Variants in ZBBX observed in about 807,000 individuals in gnomAD.
ZBBX encodes zinc finger B-box domain containing.
Under a neutral mutation model 108.5 loss-of-function variants are expected in ZBBX, and 101 were observed. That is an observed-to-expected ratio of 0.93 (90% CI 0.79 to 1.10). The LOEUF is 1.10. ZBBX is among the 50% of genes least tolerant of loss of function. ZBBX has a pLI of 0.00. For missense variants in ZBBX, 1,009 were observed against 941.4 expected, an observed-to-expected ratio of 1.07 and a Z score of -0.94; for synonymous variants, 356 against 323.4, an observed-to-expected ratio of 1.10 and a Z score of -1.08.
At chr3:167,386,543 C>A (rs1747928612) in intron 1 of ZBBX, among the ~76,000 whole-genome samples, 1 of 151,998 alleles carries the variant, frequency 6.6e-6, no homozygotes, top group Non-Finnish European at 1.5e-5. Flanking sequence ...TTCTAGCATG[C>A]TTTTGAAGTC....
chr3:167,247,551 T>C (rs934731956), intron 20 of ZBBX, among the ~76,000 whole-genome samples: 3 of 152,192 alleles, frequency 2.0e-5, no homozygotes, highest in African/African-American at 7.2e-5. Flanking sequence ...CTAGAGGGTC[T>C]AATTGAGCTG....
chr3:167,405,504 G>A (rs1372673396), intron 1 of ZBBX, among the ~76,000 whole-genome samples: 2 of 152,266 alleles, frequency 1.3e-5, no homozygotes, highest in East Asian at 1.9e-4. Context: ...CATTACATTT[G>A]GTGAACAAAA....
At chr3:167,297,840 C>T (rs1416521856) in intron 18 of ZBBX, among the ~76,000 whole-genome samples, 1 of 151,888 alleles carries the variant, frequency 6.6e-6, no homozygotes, top group African/African-American at 2.4e-5. Context: ...TATTGTACCA[C>T]CTCAGACCCA....
chr3:167,302,037 T>C (rs1732785745), intron 17 of ZBBX, among the ~76,000 whole-genome samples: 1 of 152,076 alleles, frequency 6.6e-6, no homozygotes, highest in Non-Finnish European at 1.5e-5. Context: ...ATTTATAATT[T>C]ATTGTATTAT....
the ZBBX span, among the ~76,000 whole-genome samples, chr3:167,234,247 A>G: frequency 1.3e-5 from 2 of 151,868 alleles, no homozygotes; most frequent in Non-Finnish European, 2.9e-5. Context: ...TTTGTTCTCT[A>G]TGTATTTTTG....
Position 167,360,675 on chromosome 3 carries a change from C to T in ZBBX, c.322G>A (p.Glu108Lys). The stretch of plus-strand genomic sequence containing the variant: ...ATTAACATGGTGATAAATTATTTAC[C>T]TTGAATCTGTTCCTTCAGCAATTTT... Reference protein sequence around the residue: ...KLKLLKEQIQEPVKPTVNYKM... With the variant: ...KLKLLKEQIQKPVKPTVNYKM... The change falls in exon 7 of 22, where the codon GAG (glutamate) becomes AAG (lysine). Residue 108 changes from glutamate to lysine, a missense_variant and splice_region_variant. Coordinates refer to ENST00000675490, the MANE Select transcript of ZBBX (RefSeq NM_001199201.2). 1.5e-6 allele frequency: 2 copies of T among 1,372,494 alleles called. No individual in the cohort carries two copies. The highest frequency in any genetic ancestry group is 9.6e-7 in the Non-Finnish European group (1 of 1,046,372). The allele number at this position is 1,372,494 out of a possible 1,614,324, so 85.0% of individuals were successfully genotyped here.
intron 9 of ZBBX, among the ~76,000 whole-genome samples, chr3:167,336,589 G>A (rs142269782): frequency 0.014 from 2,101 of 152,166 alleles, 25 homozygotes; most frequent in South Asian, 0.026. Flanking sequence ...ACAAAATGTC[G>A]TGACTTGAAA....
downstream of ZBBX, among the ~76,000 whole-genome samples, chr3:167,237,372 G>A (rs888772239): frequency 6.6e-6 from 1 of 151,900 alleles, no homozygotes; most frequent in Non-Finnish European, 1.5e-5. Flanking sequence ...CACTACACAA[G>A]TCTGGGTATA....
chr3:167,270,675 A>G (rs1049537503), intron 20 of ZBBX, among the ~76,000 whole-genome samples: 1 of 152,212 alleles, frequency 6.6e-6, no homozygotes, highest in African/African-American at 2.4e-5. Flanking sequence ...AGTTGAAGAA[A>G]GCAGAAAGTT....
the ZBBX span, among the ~76,000 whole-genome samples, chr3:167,195,567 G>A: frequency 1.3e-5 from 2 of 152,082 alleles, no homozygotes; most frequent in African/African-American, 2.4e-5. Context: ...GAAATTAAAC[G>A]AAACCATTTT....
chr3:167,356,792 A>G lies in ZBBX; in HGVS notation c.432+3078T>C, dbSNP rs7623891. ...AAGTTTACATTGCAGATAAGTAGAA[A>G]ATAAATAAACATATAATCAATGATG... is the stretch of plus-strand genomic sequence containing the variant. On this transcript the variant is annotated intron_variant, in intron 8 of 21. Transcript: ENST00000675490. Among the ~76,000 whole-genome samples the G allele has an allele frequency of 7.6e-3, 1,156 of 152,270 alleles. 8 individuals carry two copies. Among genetic ancestry groups the G allele is most frequent in the African/African-American group, 0.025 (1,041 of 41,566 alleles).
Position 167,405,929 on chromosome 3 carries a change from G to T in ZBBX, c.-446+1797C>A, listed in dbSNP as rs537271764. On this transcript the variant is annotated intron_variant, in intron 1 of 21. Transcript: ENST00000455345. ...TACTAAAAATACAAAACCCTGGGGT[G>T]GTGGCAGGTGCCTGTAATCCCAGCT... Among the ~76,000 whole-genome samples, 4 of 152,274 alleles carry T rather than the reference G, an allele frequency of 2.6e-5. No homozygotes were observed. The South Asian group carries it at 6.2e-4, about 24-fold the overall frequency.
chr3:167,405,044 G>T (rs768581920), intron 1 of ZBBX, among the ~76,000 whole-genome samples: 2 of 152,150 alleles, frequency 1.3e-5, no homozygotes, highest in Non-Finnish European at 2.9e-5. Flanking sequence ...ATTTTTAAGG[G>T]TTCTTGCTAG....
intron 20 of ZBBX, among the ~76,000 whole-genome samples, chr3:167,254,649 C>T (rs973297048): frequency 6.6e-6 from 1 of 152,024 alleles, no homozygotes; most frequent in Non-Finnish European, 1.5e-5. Context: ...ATAGGTTTCT[C>T]AGCAGGAGAA....
intron 2 of ZBBX, among the ~76,000 whole-genome samples, chr3:167,377,625 A>G (rs1476236803): frequency 1.3e-5 from 2 of 152,008 alleles, no homozygotes; most frequent in African/African-American, 4.8e-5. Flanking sequence ...AATAATTAAA[A>G]GAATTTTACT....
chr3:167,388,031 T>C (rs551722154), intron 1 of ZBBX, among the ~76,000 whole-genome samples: 10 of 152,022 alleles, frequency 6.6e-5, no homozygotes, highest in Non-Finnish European at 1.2e-4. Flanking sequence ...AAGTTTCTAT[T>C]GTATGGGATA....
intron 20 of ZBBX, among the ~76,000 whole-genome samples, chr3:167,279,004 T>C (rs1043592790): frequency 1.3e-5 from 2 of 152,090 alleles, no homozygotes; most frequent in African/African-American, 4.8e-5. Context: ...AAAAACCACA[T>C]GATTATCTCA....
chr3:167,179,816 A>C, the ZBBX span, among the ~76,000 whole-genome samples: 30,401 of 152,230 alleles, frequency 0.2, 3,273 homozygotes, highest in Non-Finnish European at 0.25. Flanking sequence ...TATTTTAGGG[A>C]GAATCCAATT....
chr3:167,316,433 G>A (rs1735467481), intron 14 of ZBBX, among the ~76,000 whole-genome samples: 2 of 152,030 alleles, frequency 1.3e-5, no homozygotes, highest in African/African-American at 2.4e-5. Context: ...AGTCAGAAAT[G>A]CACTGAGTGT....
Sources: allele counts gnomAD v4.1 joint callset (sites outside exome capture counted in the v4.1 genomes callset), GRCh38; gene constraint gnomAD v4.1.1; transcripts MANE v1.5; gene names NCBI Gene and HGNC (gene_info 2026-07-23, HGNC 2026-07-21).